APBB2: variants seen among roughly 807,000 people sequenced by gnomAD.
APBB2 encodes amyloid beta precursor protein binding family B member 2, also known as Fe65-like 1.
APBB2 carries 38 observed loss-of-function variants against 82.5 expected under a neutral mutation model. The observed-to-expected ratio is 0.46, with a 90% CI of 0.36 to 0.60. APBB2 has a LOEUF of 0.60. Among genes scored for constraint, APBB2 ranks in the 20% least tolerant of loss-of-function variants. The probability of loss-of-function intolerance (pLI) is 0.00; values close to 1 mark genes in which losing one functional copy is unlikely to be tolerated. For synonymous variants in APBB2, 341 were observed against 368.2 expected (o/e 0.93, Z 0.85); for missense variants, 772 against 972.3 (o/e 0.79, Z 2.74).
At chr4:41,010,107 A>G (rs1219661507) in intron 6 of APBB2, among the ~76,000 whole-genome samples, 1 of 152,206 alleles carries the variant, frequency 6.6e-6, no homozygotes, top group African/African-American at 2.4e-5. Flanking sequence ...GGCAATTCCA[A>G]AAGAGGACTC....
At chr4:40,816,350 C>A in intron 17 of APBB2, 91 bp from the exon 18 acceptor site, 1 of 1,383,518 alleles carries the variant, frequency 7.2e-7, no homozygotes. Flanking sequence ...AATACATTGA[C>A]TCCCAAAGGT....
intron 10 of APBB2, among the ~76,000 whole-genome samples, chr4:40,898,855 TCACACA>T (rs777366496): frequency 1.0e-4 from 12 of 118,166 alleles, no homozygotes; most frequent in Non-Finnish European, 1.7e-4. Context: ...ACACACACAC[TCACACA>T]CACACACACA....
chr4:41,033,224 A>T lies in APBB2; in HGVS notation c.19+12T>A. 1.3e-6 allele frequency: 2 copies of T among 1,544,136 alleles called. No homozygotes were observed. Among genetic ancestry groups the T allele is most frequent in the Non-Finnish European group, 1.8e-6 (2 of 1,119,696 alleles). ...GCTTCTCTGCATTGAAATATGAGAA[A>T]ATGTATCTGACCTGGAAGTACTTCT... is the stretch of plus-strand genomic sequence containing the variant. On this transcript the variant is annotated intron_variant, in intron 5 of 17. Coordinates refer to ENST00000508593, the MANE Select transcript of APBB2 (RefSeq NM_004307.2).
chr4:40,886,543 A>G (rs558862381), intron 12 of APBB2, among the ~76,000 whole-genome samples: 27 of 152,330 alleles, frequency 1.8e-4, no homozygotes, highest in African/African-American at 6.5e-4. Context: ...CTGTAAAAGA[A>G]TAAGGAGGAA....
At chr4:40,863,572 A>AATGAGCTCAATG (rs1763305671) in intron 12 of APBB2, among the ~76,000 whole-genome samples, 1 of 152,156 alleles carries the variant, frequency 6.6e-6, no homozygotes, top group Admixed American at 6.5e-5. Context: ...TGAGCAGCAT[A>AATGAGCTCAATG]AAAGATTTTC....
chr4:41,081,601 T>C (rs1011217395), intron 3 of APBB2, among the ~76,000 whole-genome samples: 3 of 152,110 alleles, frequency 2.0e-5, no homozygotes, highest in African/African-American at 7.2e-5. Flanking sequence ...TTATATAAAA[T>C]TTTTTTTCCA....
At chr4:41,025,135 C>T (rs6811649) in intron 5 of APBB2, among the ~76,000 whole-genome samples, 13,289 of 152,150 alleles carry the variant, frequency 0.087, 700 homozygotes, top group Admixed American at 0.14. Flanking sequence ...ATGATCTCTC[C>T]GGTCCTCCTT....
At chr4:41,116,765 T>C (rs747354766) in intron 2 of APBB2, among the ~76,000 whole-genome samples, 4 of 152,238 alleles carry the variant, frequency 2.6e-5, no homozygotes, top group South Asian at 2.1e-4. Context: ...GTGTTCATTG[T>C]ACTGTTCTTT....
intron 2 of APBB2, among the ~76,000 whole-genome samples, chr4:41,119,873 A>G (rs530767096): frequency 6.6e-6 from 1 of 152,252 alleles, no homozygotes. Flanking sequence ...GAAAACTACA[A>G]ATGTGATAAC....
intron 1 of APBB2, among the ~76,000 whole-genome samples, chr4:41,169,362 A>C (rs1485158855): frequency 6.6e-6 from 1 of 152,108 alleles, no homozygotes; most frequent in Admixed American, 6.5e-5. Context: ...GAAGAGGAAA[A>C]AATCCACTCA....
At chr4:40,965,150 C>A (rs1425128580) in intron 6 of APBB2, among the ~76,000 whole-genome samples, 4 of 151,330 alleles carry the variant, frequency 2.6e-5, no homozygotes, top group Admixed American at 2.0e-4. Context: ...AAATGGTTGA[C>A]TATGGGTGGA....
At position 41,035,465 on chromosome 4, in the gene APBB2, C is replaced by A. The variant is rs116107484; in HGVS notation, c.-50-2161G>T. On this transcript the variant is annotated intron_variant, in intron 4 of 17. Coordinates refer to ENST00000508593, the MANE Select transcript of APBB2 (RefSeq NM_004307.2). ...TCTGTCTTTGCCCTATAACTTTCTG[C>A]TCAGTTCCTTAAACATATTTCACAA... Among the ~76,000 whole-genome samples, 953 of 152,330 alleles carry A rather than the reference C, an allele frequency of 6.3e-3. 14 individuals are homozygous for A. Among genetic ancestry groups the A allele is most frequent in the African/African-American group, 0.02 (845 of 41,568 alleles).
intron 10 of APBB2, among the ~76,000 whole-genome samples, chr4:40,913,809 G>A (rs1779164950): frequency 6.6e-6 from 1 of 152,120 alleles, no homozygotes; most frequent in African/African-American, 2.4e-5. Flanking sequence ...CCCGAGAACA[G>A]TGCTAAAGTG....
chr4:40,928,026 A>C (rs543382085), intron 10 of APBB2, among the ~76,000 whole-genome samples: 1 of 152,356 alleles, frequency 6.6e-6, no homozygotes, highest in South Asian at 2.1e-4. Flanking sequence ...AAGATATTAA[A>C]GTAACATGAG....
chr4:41,196,540 T>C, intron 1 of APBB2, among the ~76,000 whole-genome samples: 1 of 147,342 alleles, frequency 6.8e-6, no homozygotes, highest in South Asian at 2.2e-4. Context: ...CCCCAAAACC[T>C]CACTGCCCCA....
intron 2 of APBB2, among the ~76,000 whole-genome samples, chr4:41,104,313 A>G (rs2153972939): frequency 6.6e-6 from 1 of 152,334 alleles, no homozygotes; most frequent in Admixed American, 6.5e-5. Context: ...TTTAGTCATG[A>G]GTGTGCTTAG....
At chr4:40,935,834 A>C (rs1362664046) in intron 7 of APBB2, among the ~76,000 whole-genome samples, 2 of 152,168 alleles carry the variant, frequency 1.3e-5, no homozygotes, top group Non-Finnish European at 2.9e-5. Context: ...AAACGTAATT[A>C]TAGTGCAAGG....
chr4:40,854,489 T>C (rs971272339), intron 12 of APBB2, among the ~76,000 whole-genome samples: 1 of 152,184 alleles, frequency 6.6e-6, no homozygotes, highest in African/African-American at 2.4e-5. Flanking sequence ...TGGTACAGAA[T>C]GAAATTCATT....
In APBB2 at chr4:40,823,673, C is replaced by G. The variant is rs2154297118; in HGVS notation, c.1903G>C (p.Asp635His). 1 of 1,613,432 alleles carries G rather than the reference C, an allele frequency of 6.2e-7. No individual in the cohort carries two copies. Residue 635 changes from aspartate (D) to histidine (H), a missense_variant, in exon 16 of 18, where the codon GAT becomes CAT. Transcript: ENST00000508593. The part of the protein sequence containing the change: ...DWLSVNMNVA[D>H]ATVTVISEKN... ...TCACTGATGACAGTCACAGTGGCAT[C>G]AGCCACGTTCATGTTCACTGACAGC... is the stretch of plus-strand genomic sequence containing the variant.
Sources: allele counts gnomAD v4.1 joint callset (sites outside exome capture counted in the v4.1 genomes callset), GRCh38; gene constraint gnomAD v4.1.1; transcripts MANE v1.5; gene names NCBI Gene and HGNC (gene_info 2026-07-23, HGNC 2026-07-21).